Variants in ZC3H11A observed in about 807,000 individuals in gnomAD.
ZC3H11A encodes zinc finger CCCH-type containing 11A, also known as zinc finger CCCH domain-containing protein 11A.
A neutral mutation model predicts 90.8 loss-of-function variants in ZC3H11A; 22 were observed. The observed-to-expected ratio is 0.24, with a 90% CI of 0.17 to 0.35. The LOEUF (loss-of-function observed/expected upper bound fraction) is 0.35, where lower values mean the gene tolerates loss of function less well. Among genes scored for constraint, ZC3H11A ranks in the 10% least tolerant of loss-of-function variants. The probability of loss-of-function intolerance (pLI) is 1.00; values close to 1 mark genes in which losing one functional copy is unlikely to be tolerated. For synonymous variants in ZC3H11A, 294 were observed against 339.8 expected (o/e 0.87, Z 1.48); for missense variants, 701 against 964.9 (o/e 0.73, Z 3.62).
chr1:203,849,919 G>C lies in ZC3H11A; in HGVS notation c.1832G>C (p.Arg611Pro). The change falls in exon 15 of 18, where the codon CGG (arginine) becomes CCG (proline). Residue 611 changes from arginine (R) to proline (P), a missense_variant. This residue lies in a region of ZC3H11A where 530 missense variants were observed against 696.2 expected (regional missense o/e 0.76). Transcript: ENST00000367210. ...VPGITRHLTK[R>P]LPTKSSQKVE... ...GGAATCACACGGCACCTGACCAAGC[G>C]GCTTCCCACAAAGTCATCCCAGAAG... 1 of 1,614,046 alleles carries C rather than the reference G, an allele frequency of 6.2e-7. No individual in the cohort carries two copies. The highest frequency in any genetic ancestry group is 1.7e-5 in the Admixed American group (1 of 60,018).
intron 1 of ZC3H11A, chr1:203,796,435 TC>T (rs1377260224): frequency 1.0e-5 from 4 of 398,930 alleles, no homozygotes; most frequent in Admixed American, 4.4e-5. Context: ...CAGGGACACT[TC>T]CGTTCTCCTT....
At chr1:203,807,160 C>G (rs546181509) in intron 2 of ZC3H11A, among the ~76,000 whole-genome samples, 4 of 152,270 alleles carry the variant, frequency 2.6e-5, no homozygotes, top group African/African-American at 9.6e-5. Flanking sequence ...CAGGCATGAG[C>G]TACCATTCCT....
intron 12 of ZC3H11A, among the ~76,000 whole-genome samples, chr1:203,842,793 TGAG>T (rs1427319185): frequency 2.6e-5 from 4 of 151,894 alleles, no homozygotes; most frequent in Non-Finnish European, 4.4e-5. Flanking sequence ...ATCTGGGTAT[TGAG>T]GTTTTCTTTA....
rs759788650 is a variant in ZC3H11A, at chr1:203,850,567, C to T, written c.1992C>T (p.Pro664=). The T allele has an allele frequency of 6.2e-6, 10 of 1,613,872 alleles. No individual in the cohort carries two copies. The highest frequency in any genetic ancestry group is 7.6e-6 in the Non-Finnish European group (9 of 1,179,912). Residue 664 remains proline (P), a synonymous_variant, in exon 16 of 18, where the codon CCC becomes CCT. Coordinates refer to ENST00000367210, the MANE Select transcript of ZC3H11A (RefSeq NM_001376342.1). Reference sequence around the variant, plus strand: ...CTGTGGTTAAAGTTGTGTCATCCCCCAAATTGGCCCCAAAACGTAAGGCAG... The same window carrying T: ...CTGTGGTTAAAGTTGTGTCATCCCCTAAATTGGCCCCAAAACGTAAGGCAG... ...KPSVVKVVSS[P]KLAPKRKAVE... is the part of the protein sequence containing the mutation.
At chr1:203,801,140 G>C (rs1670440729) in intron 1 of ZC3H11A, 1 of 152,064 alleles carries the variant, frequency 6.6e-6, no homozygotes, top group Non-Finnish European at 1.5e-5. Context: ...AGATTGTGTA[G>C]GTACTTTCAA....
intron 13 of ZC3H11A, 138 bp downstream of exon 13, chr1:203,847,825 T>A: frequency 7.8e-7 from 1 of 1,279,272 alleles, no homozygotes; most frequent in Non-Finnish European, 1.1e-6. Context: ...AAATGAAGTT[T>A]TTCAGTAGTG....
chr1:203,831,830 CA>C (rs1682483624), intron 9 of ZC3H11A, 59 bp downstream of exon 9: 1 of 1,375,766 alleles, frequency 7.3e-7, no homozygotes, highest in Non-Finnish European at 1.0e-6. Context: ...ATTGGGAATG[CA>C]AAATCCTTGG....
chr1:203,835,701 CAG>C, intron 10 of ZC3H11A: 1 of 253,872 alleles, frequency 3.9e-6, no homozygotes. Context: ...TACCTTTCCC[CAG>C]ATGACTCTGG....
At chr1:203,818,752 T>C in intron 4 of ZC3H11A, 63 bp downstream of exon 4, 1 of 1,609,710 alleles carries the variant, frequency 6.2e-7, no homozygotes, top group Non-Finnish European at 8.5e-7. Context: ...CAATAAAAAA[T>C]ATAGGGACAA....
intron 8 of ZC3H11A, among the ~76,000 whole-genome samples, chr1:203,830,628 T>A (rs2103023779): frequency 6.6e-6 from 1 of 152,122 alleles, no homozygotes; most frequent in South Asian, 2.1e-4. Flanking sequence ...CTGGCCAACA[T>A]GGTGAAACCC....
At chr1:203,809,849 G>T in intron 2 of ZC3H11A, among the ~76,000 whole-genome samples, 1 of 152,132 alleles carries the variant, frequency 6.6e-6, no homozygotes, top group East Asian at 1.9e-4. Context: ...AGCTACTCGG[G>T]AGGGTGAGGC....
intron 4 of ZC3H11A, among the ~76,000 whole-genome samples, chr1:203,823,331 CTT>C (rs1679395507): frequency 1.3e-5 from 2 of 152,204 alleles, no homozygotes; most frequent in African/African-American, 2.4e-5. Flanking sequence ...AGAGCACACT[CTT>C]TTCCTAGTCA....
chr1:203,808,237 A>G (rs902656111), intron 2 of ZC3H11A, among the ~76,000 whole-genome samples: 5 of 148,384 alleles, frequency 3.4e-5, no homozygotes, highest in African/African-American at 1.2e-4. Flanking sequence ...AAAGGTCATA[A>G]TCTCCTTTAC....
chr1:203,803,673 A>T (rs6662927), intron 2 of ZC3H11A, among the ~76,000 whole-genome samples: 4 of 151,808 alleles, frequency 2.6e-5, no homozygotes, highest in Admixed American at 2.6e-4. Context: ...TGGCATGATC[A>T]TAGCTCACTG....
intron 1 of ZC3H11A, chr1:203,800,262 C>A: frequency 9.3e-7 from 1 of 1,070,452 alleles, no homozygotes. Context: ...GTGTAGTTGG[C>A]AATCTGAATG....
At chr1:203,811,599 C>G (rs1276187456) in intron 2 of ZC3H11A, among the ~76,000 whole-genome samples, 2 of 152,122 alleles carry the variant, frequency 1.3e-5, no homozygotes, top group Non-Finnish European at 2.9e-5. Context: ...ACCTCTGCCC[C>G]CTGGATTCAA....
At position 203,818,595 on chromosome 1, in the gene ZC3H11A, G is replaced by C; in HGVS notation, c.80G>C (p.Cys27Ser). 6.2e-7 allele frequency: 1 copy of C among 1,614,054 alleles called. No homozygotes were observed. The change falls in exon 4 of 18, where the codon TGT (cysteine) becomes TCT (serine). Residue 27 changes from cysteine (C) to serine (S), a missense_variant. Physicochemically the swap from Cys to Ser is moderately radical, Grantham distance 112. Around this residue, in one of 4 missense-constraint regions of ZC3H11A, gnomAD observed 59 missense variants for 132.8 expected, o/e 0.44. Coordinates refer to ENST00000367210, the MANE Select transcript of ZC3H11A (RefSeq NM_001376342.1). ...TKGDSCPFRH[C>S]EAAIGNETVC... Reference sequence around the variant, plus strand: ...GGTGACAGCTGCCCATTCCGTCACTGTGAAGCTGCAATAGGAAATGAAACT... The same window carrying C: ...GGTGACAGCTGCCCATTCCGTCACTCTGAAGCTGCAATAGGAAATGAAACT...
rs888141106 is a variant in ZC3H11A at position 203,852,125 on chromosome 1, C to CT, written c.2175-8dup. The CT allele has an allele frequency of 4.3e-6, 7 of 1,612,572 alleles. No individual in the cohort carries two copies. The Middle Eastern group carries it at 5.0e-4, about 114-fold the overall frequency. On this transcript the variant is annotated splice_polypyrimidine_tract_variant and intron_variant, in intron 17 of 17. Transcript: ENST00000367210. Reference sequence around the variant, plus strand: ...TTTAAAACGGCAGTTTTCTAATAATCTTTTTTTTCTTACAGTCTTGTGCTG... The same window carrying CT: ...TTTAAAACGGCAGTTTTCTAATAATCTTTTTTTTTCTTACAGTCTTGTGCTG...
chr1:203,823,416 C>T (rs577612619), intron 4 of ZC3H11A, among the ~76,000 whole-genome samples: 34 of 152,318 alleles, frequency 2.2e-4, no homozygotes, highest in African/African-American at 7.7e-4. Context: ...CCAGGATTTT[C>T]ATTGGTGCTA....
Sources: gnomAD v4.1 joint callset for allele counts (sites outside exome capture counted in the v4.1 genomes callset) on GRCh38, gnomAD v4.1.1 for gene constraint, gnomAD v4.1.1 regional missense constraint, MANE v1.5 for transcripts, NCBI Gene and HGNC (gene_info 2026-07-23, HGNC 2026-07-21) for gene names.